PDZRN3: variants seen among roughly 807,000 people sequenced by gnomAD.
PDZRN3 encodes PDZ domain containing ring finger 3.
In PDZRN3, 38 loss-of-function variants were observed where a neutral mutation model predicts 85.7. That is an observed-to-expected ratio of 0.44 (90% CI 0.34 to 0.58). PDZRN3 has a LOEUF of 0.58. Ranked by LOEUF, PDZRN3 falls within the 20% of genes least tolerant of loss-of-function variation. The pLI, the probability that PDZRN3 is intolerant of heterozygous loss-of-function variation, is 0.01. For missense variants in PDZRN3, 1,629 were observed against 1,506.4 expected (o/e 1.08, Z -1.35); for synonymous variants, 759 against 638.0 (o/e 1.19, Z -2.86).
At chr3:73,425,780 C>T (rs1702301660) in intron 3 of PDZRN3, among the ~76,000 whole-genome samples, 2 of 152,090 alleles carry the variant, frequency 1.3e-5, no homozygotes, top group Admixed American at 6.5e-5. Flanking sequence ...TAGAAATGTA[C>T]ACTAAAGATT....
intron 3 of PDZRN3, among the ~76,000 whole-genome samples, chr3:73,585,132 G>A (rs1434032429): frequency 2.0e-5 from 3 of 152,178 alleles, no homozygotes; most frequent in Admixed American, 1.3e-4. Flanking sequence ...TCTTGGCTGA[G>A]TGTTTAAAGC....
intron 3 of PDZRN3, among the ~76,000 whole-genome samples, chr3:73,409,726 T>C (rs544784796): frequency 2.6e-5 from 4 of 152,244 alleles, no homozygotes; most frequent in South Asian, 2.1e-4. Context: ...GGTTAAACTA[T>C]TGTCATACAG....
chr3:73,384,212 C>G lies in PDZRN3; in HGVS notation c.2354G>C (p.Gly785Ala), dbSNP rs1701292020. 6.2e-7 allele frequency: 1 copy of G among 1,613,796 alleles called. No individual in the cohort carries two copies. ...PDNSLRRAAE[G>A]ISCPSSEGAV... The stretch of plus-strand genomic sequence containing the variant: ...CCCTTCGCTGCTCGGGCAGCTGATG[C>G]CCTCCGCCGCTCTCCTCAAGGAGTT... The change falls in exon 10 of 10, where the codon GGC becomes GCC. Residue 785 changes from glycine (G) to alanine (A), a missense_variant. Gly to Ala is a moderately conservative substitution (Grantham distance 60). Transcript: ENST00000263666.
At chr3:73,546,831 A>T (rs556199378) in intron 3 of PDZRN3, among the ~76,000 whole-genome samples, 1 of 152,350 alleles carries the variant, frequency 6.6e-6, no homozygotes, top group South Asian at 2.1e-4. Context: ...GAATGCTTGG[A>T]GGTGATATAA....
intron 3 of PDZRN3, among the ~76,000 whole-genome samples, chr3:73,513,335 T>C (rs906049567): frequency 7.2e-5 from 11 of 152,222 alleles, no homozygotes; most frequent in African/African-American, 2.4e-4. Context: ...ATCAGCACAC[T>C]GCTCCCGGTA....
chr3:73,535,596 T>C (rs1317766334), intron 3 of PDZRN3, among the ~76,000 whole-genome samples: 1 of 152,200 alleles, frequency 6.6e-6, no homozygotes, highest in Non-Finnish European at 1.5e-5. Context: ...GAGCTGCCTT[T>C]TTGGGGAGAG....
rs116379425 is a variant in PDZRN3, at chr3:73,573,320, G to A, written c.918+29034C>T. On this transcript the variant is annotated intron_variant, in intron 3 of 9. Coordinates refer to ENST00000263666, the MANE Select transcript of PDZRN3 (RefSeq NM_015009.3). ...GTAGCAAGTGACAATCTGCAATGTG[G>A]CATCTGGGAAGACGAGGAGGCAAAG... is the stretch of plus-strand genomic sequence containing the variant. Among the ~76,000 whole-genome samples, 937 of 152,272 alleles carry A rather than the reference G, an allele frequency of 6.2e-3. 9 individuals carry two copies. The highest frequency in any genetic ancestry group is 0.022 in the African/African-American group (903 of 41,546).
chr3:73,386,162 T>C (rs986390231), intron 8 of PDZRN3, among the ~76,000 whole-genome samples: 9 of 150,112 alleles, frequency 6.0e-5, no homozygotes, highest in African/African-American at 2.2e-4. Flanking sequence ...AGAAAAATGA[T>C]TTTCAGTGTG....
chr3:73,430,590 A>G (rs369745467), intron 3 of PDZRN3, among the ~76,000 whole-genome samples: 1 of 152,310 alleles, frequency 6.6e-6, no homozygotes, highest in East Asian at 1.9e-4. Context: ...TTGACTTGAC[A>G]GTACATGGCT....
intron 3 of PDZRN3, among the ~76,000 whole-genome samples, chr3:73,456,323 G>A (rs1437556651): frequency 1.3e-5 from 2 of 152,154 alleles, no homozygotes; most frequent in African/African-American, 4.8e-5. Context: ...TGTTGTATCT[G>A]ACCCTGATAT....
At chr3:73,525,869 C>T (rs1354009597) in intron 3 of PDZRN3, among the ~76,000 whole-genome samples, 2 of 152,238 alleles carry the variant, frequency 1.3e-5, no homozygotes, top group Admixed American at 6.5e-5. Flanking sequence ...TCCTTCATGG[C>T]ACTTAGCTGT....
chr3:73,597,583 G>T (rs1283230134), intron 3 of PDZRN3, among the ~76,000 whole-genome samples: 1 of 152,014 alleles, frequency 6.6e-6, no homozygotes, highest in Non-Finnish European at 1.5e-5. Flanking sequence ...TATCACCAAA[G>T]GCAAGCCTCC....
chr3:73,579,480 G>T (rs1234933552), intron 3 of PDZRN3, among the ~76,000 whole-genome samples: 3 of 152,108 alleles, frequency 2.0e-5, no homozygotes, highest in Admixed American at 6.5e-5. Context: ...ATATGCCAAG[G>T]CCCTTACAAA....
chr3:73,557,577 C>G (rs1575734787), intron 3 of PDZRN3, among the ~76,000 whole-genome samples: 2 of 152,118 alleles, frequency 1.3e-5, no homozygotes, highest in South Asian at 4.1e-4. Context: ...CCGTAAATAA[C>G]AGAAAAGTAA....
At chr3:73,542,009 A>T (rs1190125246) in intron 3 of PDZRN3, among the ~76,000 whole-genome samples, 2 of 152,186 alleles carry the variant, frequency 1.3e-5, no homozygotes, top group Non-Finnish European at 2.9e-5. Flanking sequence ...GCTACTGATA[A>T]AAGAGATGCC....
chr3:73,541,268 T>C (rs1230303388), intron 3 of PDZRN3, among the ~76,000 whole-genome samples: 1 of 152,210 alleles, frequency 6.6e-6, no homozygotes, highest in Non-Finnish European at 1.5e-5. Flanking sequence ...ATGTTCACTG[T>C]AGAAAGTCCG....
At chr3:73,541,647 T>C (rs1277047718) in intron 3 of PDZRN3, among the ~76,000 whole-genome samples, 1 of 152,230 alleles carries the variant, frequency 6.6e-6, no homozygotes, top group Non-Finnish European at 1.5e-5. Flanking sequence ...GATATATACA[T>C]GTTGGACTTC....
intron 3 of PDZRN3, among the ~76,000 whole-genome samples, chr3:73,509,819 T>C (rs1027014580): frequency 1.3e-5 from 2 of 152,246 alleles, no homozygotes; most frequent in Non-Finnish European, 2.9e-5. Context: ...CCTTGAATCC[T>C]GGCACGGGCG....
intron 3 of PDZRN3, among the ~76,000 whole-genome samples, chr3:73,514,741 G>T (rs957514681): frequency 4.6e-5 from 7 of 152,142 alleles, no homozygotes; most frequent in African/African-American, 1.7e-4. Context: ...AAGCTTGCTG[G>T]TTTCATCCTG....
Sources: allele counts gnomAD v4.1 joint callset (sites outside exome capture counted in the v4.1 genomes callset), GRCh38; gene constraint gnomAD v4.1.1; transcripts MANE v1.5; gene names NCBI Gene and HGNC (gene_info 2026-07-23, HGNC 2026-07-21).